ROR1: variants seen among roughly 807,000 people sequenced by gnomAD.
The protein encoded by ROR1 is ROR family WNT receptor 1.
Under a neutral mutation model 78.8 loss-of-function variants are expected in ROR1, and 19 were observed. The ratio of observed to expected loss-of-function variants is 0.24; its 90% CI spans 0.17 to 0.35. ROR1 has a LOEUF of 0.35. ROR1 is among the 10% of genes least tolerant of loss of function. ROR1 has a pLI of 1.00. For synonymous variants in ROR1, 386 were observed against 433.6 expected (o/e 0.89, Z 1.36); for missense variants, 917 against 1,177.8 (o/e 0.78, Z 3.24).
chr1:64,141,885 G>A (rs1034920899), intron 6 of ROR1, among the ~76,000 whole-genome samples: 1 of 151,940 alleles, frequency 6.6e-6, no homozygotes, highest in Non-Finnish European at 1.5e-5. Flanking sequence ...CTTCTTAATG[G>A]GATCTGCTTC....
At chr1:63,872,137 G>A (rs952033762) in intron 1 of ROR1, among the ~76,000 whole-genome samples, 1 of 152,188 alleles carries the variant, frequency 6.6e-6, no homozygotes, top group African/African-American at 2.4e-5. Context: ...ACACATCTCT[G>A]AAGAAATTCA....
intron 2 of ROR1, among the ~76,000 whole-genome samples, chr1:64,034,341 CT>C (rs1224115342): frequency 6.6e-6 from 1 of 152,030 alleles, no homozygotes; most frequent in Non-Finnish European, 1.5e-5. Flanking sequence ...ACATTAGCTG[CT>C]TTTGTTTGCT....
chr1:63,801,448 C>G (rs1428730067), intron 1 of ROR1, among the ~76,000 whole-genome samples: 2 of 152,076 alleles, frequency 1.3e-5, no homozygotes, highest in African/African-American at 4.8e-5. Context: ...GCACCCACCA[C>G]CACACCTGGA....
chr1:64,160,757 G>A (rs1649917126), intron 8 of ROR1, among the ~76,000 whole-genome samples: 1 of 152,132 alleles, frequency 6.6e-6, no homozygotes, highest in Non-Finnish European at 1.5e-5. Flanking sequence ...TAGTGTAAGA[G>A]TCATTGTTCC....
In ROR1 at chr1:63,793,453, G is replaced by A. The variant is rs76603841; in HGVS notation, c.91+18945G>A. 6.1e-3 allele frequency among the ~76,000 whole-genome samples: 927 copies of A among 152,238 alleles called. 29 individuals carry two copies. In the East Asian group the frequency reaches 0.066, roughly 11 times the overall value. On this transcript the variant is annotated intron_variant, in intron 1 of 8. Coordinates refer to ENST00000371079, the MANE Select transcript of ROR1 (RefSeq NM_005012.4). ...CCAGTTACCCTGATTTGATCTTTAC[G>A]CATTCTATGAATGTACCAAAATATC...
At chr1:63,950,477 G>A (rs997992794) in intron 1 of ROR1, among the ~76,000 whole-genome samples, 3 of 152,164 alleles carry the variant, frequency 2.0e-5, no homozygotes, top group African/African-American at 2.4e-5. Context: ...CAGTGAGGAC[G>A]ACCAGAGGTC....
chr1:63,998,451 T>C (rs1175792858), intron 1 of ROR1, among the ~76,000 whole-genome samples: 1 of 152,150 alleles, frequency 6.6e-6, no homozygotes, highest in African/African-American at 2.4e-5. Context: ...TTTTTATTGA[T>C]ATCAGTGTTA....
chr1:63,941,207 G>A (rs1034489545), intron 1 of ROR1, among the ~76,000 whole-genome samples: 1 of 152,030 alleles, frequency 6.6e-6, no homozygotes, highest in Non-Finnish European at 1.5e-5. Flanking sequence ...ACTGGGATAT[G>A]GCCTCTGGAT....
intron 8 of ROR1, among the ~76,000 whole-genome samples, chr1:64,160,121 C>G (rs1026279368): frequency 6.6e-6 from 1 of 151,938 alleles, no homozygotes; most frequent in African/African-American, 2.4e-5. Flanking sequence ...TATTTATCTT[C>G]CCTGTGGACT....
At chr1:63,871,511 G>A (rs1277941992) in intron 1 of ROR1, among the ~76,000 whole-genome samples, 1 of 152,168 alleles carries the variant, frequency 6.6e-6, no homozygotes, top group African/African-American at 2.4e-5. Context: ...GCTCTGTCAT[G>A]TTTACCAGTT....
chr1:64,142,034 G>A (rs898028628), intron 6 of ROR1, among the ~76,000 whole-genome samples: 1 of 152,158 alleles, frequency 6.6e-6, no homozygotes, highest in African/African-American at 2.4e-5. Context: ...GTCTAAGGCT[G>A]TCAGTCAGAA....
rs995798121 is a variant in ROR1 at position 64,146,341 on chromosome 1, T to C, written c.1174+3691T>C. ...AAATACAAAAATTAGCCAGGTGTGG[T>C]GGCATGCACCTGTAATCCCAGCTAG... On this transcript the variant is annotated intron_variant, in intron 7 of 8. Coordinates refer to ENST00000371079, the MANE Select transcript of ROR1 (RefSeq NM_005012.4). Among the ~76,000 whole-genome samples, 8 of 152,236 alleles carry C rather than the reference T, an allele frequency of 5.3e-5. No homozygotes were observed. In the South Asian group the frequency reaches 1.7e-3, roughly 32 times the overall value.
At chr1:63,796,447 G>C (rs1542803) in intron 1 of ROR1, among the ~76,000 whole-genome samples, 1 of 151,972 alleles carries the variant, frequency 6.6e-6, no homozygotes, top group Non-Finnish European at 1.5e-5. Context: ...ATGATCCCAG[G>C]TGATTTATAT....
chr1:63,951,902 G>T (rs1645943149), intron 1 of ROR1, among the ~76,000 whole-genome samples: 1 of 152,224 alleles, frequency 6.6e-6, no homozygotes, highest in South Asian at 2.1e-4. Flanking sequence ...CTGTGCTTAA[G>T]ATGGAGTTTA....
intron 1 of ROR1, among the ~76,000 whole-genome samples, chr1:63,841,431 C>T (rs1335945330): frequency 6.6e-6 from 1 of 152,158 alleles, no homozygotes; most frequent in Admixed American, 6.5e-5. Context: ...TAGGAGTGAT[C>T]CTGTGGATAA....
chr1:63,963,605 AAAAG>A (rs1186997714), intron 1 of ROR1, among the ~76,000 whole-genome samples: 4 of 151,962 alleles, frequency 2.6e-5, no homozygotes, highest in Non-Finnish European at 4.4e-5. Context: ...AAACAAAACA[AAAAG>A]AAAGGAAGAA....
rs535235333 is a variant in ROR1 at position 63,938,197 on chromosome 1, A to G, written c.92-71108A>G. 5.3e-5 allele frequency among the ~76,000 whole-genome samples: 8 copies of G among 152,310 alleles called. No individual in the cohort carries two copies. The South Asian group carries it at 1.2e-3, about 24-fold the overall frequency. On this transcript the variant is annotated intron_variant, in intron 1 of 8. Transcript: ENST00000371079. Reference sequence around the variant, plus strand: ...ATGAGCAGAATTTTTTCTTCTCATTATTCCCTAGACAATAGAGTATAGAAT... The same window carrying G: ...ATGAGCAGAATTTTTTCTTCTCATTGTTCCCTAGACAATAGAGTATAGAAT...
intron 1 of ROR1, among the ~76,000 whole-genome samples, chr1:63,921,798 C>A (rs1255677247): frequency 6.6e-6 from 1 of 152,162 alleles, no homozygotes; most frequent in Non-Finnish European, 1.5e-5. Context: ...ATATCCTCAT[C>A]TACAAAGCAG....
At chr1:63,938,682 T>A (rs1236707799) in intron 1 of ROR1, among the ~76,000 whole-genome samples, 1 of 152,242 alleles carries the variant, frequency 6.6e-6, no homozygotes, top group Non-Finnish European at 1.5e-5. Flanking sequence ...CCTTGTAATT[T>A]TTTTGTTTTA....
Sources: allele counts gnomAD v4.1 joint callset (sites outside exome capture counted in the v4.1 genomes callset), GRCh38; gene constraint gnomAD v4.1.1; transcripts MANE v1.5; gene names NCBI Gene and HGNC (gene_info 2026-07-23, HGNC 2026-07-21).